LRPAP1: variants seen among roughly 807,000 people sequenced by gnomAD.
LRPAP1 encodes LDL receptor related protein associated protein 1.
A neutral mutation model predicts 39.9 loss-of-function variants in LRPAP1; 41 were observed. The ratio of observed to expected loss-of-function variants is 1.03; its 90% CI spans 0.80 to 1.33. The LOEUF is 1.33. Among genes scored for constraint, LRPAP1 ranks in the 40% most tolerant of loss-of-function variants. The pLI is 0.00. For synonymous variants in LRPAP1, 263 were observed against 212.7 expected (o/e 1.24, Z -2.06); for missense variants, 565 against 482.3 (o/e 1.17, Z -1.61).
At position 3,524,302 on chromosome 4, in the gene LRPAP1, C is replaced by T. The variant is rs570432023; in HGVS notation, c.349+605G>A. On this transcript the variant is annotated intron_variant, in intron 2 of 7. Transcript: ENST00000650182. ...TACCAAGCAGGCGACTGTCCTGCCT[C>T]TTCTTGAATACCCACAGGGACGAGG... Among the ~76,000 whole-genome samples, 12 of 152,344 alleles carry T rather than the reference C, an allele frequency of 7.9e-5. No homozygotes were observed. The South Asian group carries it at 2.3e-3, about 29-fold the overall frequency.
At chr4:3,528,596 T>C (rs1013772609) in intron 1 of LRPAP1, among the ~76,000 whole-genome samples, 3 of 152,214 alleles carry the variant, frequency 2.0e-5, no homozygotes, top group African/African-American at 7.2e-5. Flanking sequence ...TCAGAGGGCA[T>C]GTGCCATCCT....
At chr4:3,527,099 G>A (rs1306877509) in intron 1 of LRPAP1, among the ~76,000 whole-genome samples, 3 of 146,650 alleles carry the variant, frequency 2.0e-5, no homozygotes, top group Non-Finnish European at 4.6e-5. Flanking sequence ...GGGCCCTCCT[G>A]GTAGATGCTC....
chr4:3,504,643 G>A lies in LRPAP1; in HGVS notation c.*8331C>T, dbSNP rs1190080675. Among the ~76,000 whole-genome samples, 1 of 151,704 alleles carries A rather than the reference G, an allele frequency of 6.6e-6. No homozygotes were observed. Among genetic ancestry groups the A allele is most frequent in the Non-Finnish European group, 1.5e-5 (1 of 67,990 alleles). On this transcript the variant is annotated 3_prime_UTR_variant, in exon 8 of 8. Transcript: ENST00000650182. The stretch of plus-strand genomic sequence containing the variant: ...TAGGGGCCTGTAATCCCAGCTACTT[G>A]CGAGGCTGAGGCAGGAGAATTTCTT...
At chr4:3,522,413 C>T (rs988643709) in intron 2 of LRPAP1, among the ~76,000 whole-genome samples, 1 of 152,240 alleles carries the variant, frequency 6.6e-6, no homozygotes, top group African/African-American at 2.4e-5. Flanking sequence ...GGTTCTTCTG[C>T]ATGGAATGGA....
chr4:3,532,005 C>T, intron 1 of LRPAP1: 2 of 618,568 alleles, frequency 3.2e-6, no homozygotes, highest in South Asian at 2.1e-5. Context: ...GCGTCGTCGC[C>T]GGCACGGGTA....
chr4:3,512,966 CA>C lies in LRPAP1; in HGVS notation c.*7del. 1 of 1,608,580 alleles carries C rather than the reference CA, an allele frequency of 6.2e-7. No homozygotes were observed. Among genetic ancestry groups the C allele is most frequent in the Non-Finnish European group, 8.5e-7 (1 of 1,177,884 alleles). On this transcript the variant is annotated 3_prime_UTR_variant, in exon 8 of 8. Coordinates refer to ENST00000650182, the MANE Select transcript of LRPAP1 (RefSeq NM_002337.4). ...CTCTTCCCTGCCGGGCTGGGCTCCCCAATGCCTTCAGAGTTCGTTGTGCCGA... is the reference window on the plus strand; with the variant it reads ...CTCTTCCCTGCCGGGCTGGGCTCCCCATGCCTTCAGAGTTCGTTGTGCCGA...
chr4:3,517,508 A>G (rs556835109), intron 5 of LRPAP1, among the ~76,000 whole-genome samples: 1 of 152,206 alleles, frequency 6.6e-6, no homozygotes, highest in Non-Finnish European at 1.5e-5. Flanking sequence ...CACCCTGCAC[A>G]AGGCTCTGGC....
intron 2 of LRPAP1, among the ~76,000 whole-genome samples, chr4:3,524,665 G>A (rs895049875): frequency 6.6e-6 from 1 of 152,240 alleles, no homozygotes; most frequent in South Asian, 2.1e-4. Flanking sequence ...CCTCATGAGG[G>A]TTAGCCCCCC....
At chr4:3,519,434 C>T (rs1038275706) in intron 3 of LRPAP1, among the ~76,000 whole-genome samples, 4 of 152,344 alleles carry the variant, frequency 2.6e-5, no homozygotes, top group African/African-American at 9.6e-5. Flanking sequence ...CACACAGGGC[C>T]CTCTCTCCCT....
At chr4:3,520,927 C>A (rs1729890664) in intron 2 of LRPAP1, among the ~76,000 whole-genome samples, 1 of 152,242 alleles carries the variant, frequency 6.6e-6, no homozygotes, top group African/African-American at 2.4e-5. Flanking sequence ...ACGCTGCCAC[C>A]AACATGATAT....
At chr4:3,528,060 A>T (rs1425133475) in intron 1 of LRPAP1, among the ~76,000 whole-genome samples, 2 of 152,216 alleles carry the variant, frequency 1.3e-5, no homozygotes, top group Non-Finnish European at 2.9e-5. Flanking sequence ...GCCTGGCAGC[A>T]CCACCACAAA....
intron 1 of LRPAP1, among the ~76,000 whole-genome samples, chr4:3,530,835 C>T (rs1730228362): frequency 2.6e-5 from 4 of 152,182 alleles, no homozygotes; most frequent in Admixed American, 2.6e-4. Context: ...GGGCCAGCAC[C>T]CAAAAGGGAG....
At chr4:3,529,947 T>C (rs1268853256) in intron 1 of LRPAP1, among the ~76,000 whole-genome samples, 6 of 152,150 alleles carry the variant, frequency 3.9e-5, no homozygotes, top group Non-Finnish European at 7.3e-5. Context: ...CGCAGGAGGC[T>C]GAGAGCAGTG....
chr4:3,518,231 C>T (rs376330052), intron 4 of LRPAP1, 39 bp from the exon 5 acceptor site: 9 of 1,580,828 alleles, frequency 5.7e-6, no homozygotes, highest in Non-Finnish European at 6.9e-6. Flanking sequence ...GGCTGGGAGT[C>T]CTCGCACTGC....
chr4:3,519,695 G>A lies in LRPAP1; in HGVS notation c.471+377C>T, dbSNP rs1219853569. ...AGGGTGAAAGCCCAGCCCCACACAC[G>A]AGGGCACCTTTCTAATCACAGAGGC... On this transcript the variant is annotated intron_variant, in intron 3 of 7. Coordinates refer to ENST00000650182, the MANE Select transcript of LRPAP1 (RefSeq NM_002337.4). 2.6e-5 allele frequency among the ~76,000 whole-genome samples: 4 copies of A among 152,146 alleles called. No individual in the cohort carries two copies. In the East Asian group the frequency reaches 5.8e-4, roughly 22 times the overall value.
At chr4:3,526,633 G>A (rs377291314) in intron 1 of LRPAP1, among the ~76,000 whole-genome samples, 8 of 152,190 alleles carry the variant, frequency 5.3e-5, no homozygotes, top group Non-Finnish European at 1.2e-4. Context: ...GGTCCGCGCC[G>A]CGCAGGGGCA....
intron 2 of LRPAP1, 85 bp from the exon 3 acceptor site, chr4:3,520,278 G>A (rs1488682190): frequency 6.8e-7 from 1 of 1,464,342 alleles, no homozygotes; most frequent in Non-Finnish European, 9.4e-7. Flanking sequence ...CACGGTGGGT[G>A]AGACAGGTTT....
chr4:3,513,930 C>T (rs990995595), intron 7 of LRPAP1, among the ~76,000 whole-genome samples: 1 of 152,278 alleles, frequency 6.6e-6, no homozygotes, highest in African/African-American at 2.4e-5. Context: ...GACCTCTGCC[C>T]CAACGGTGCG....
At chr4:3,518,296 A>C in intron 4 of LRPAP1, 104 bp from the exon 5 acceptor site, 3 of 1,252,840 alleles carry the variant, frequency 2.4e-6, no homozygotes, top group Non-Finnish European at 3.3e-6. Context: ...ACTCGCTCTC[A>C]TTTCTGGGCT....
Sources: gnomAD v4.1 joint callset for allele counts (sites outside exome capture counted in the v4.1 genomes callset) on GRCh38, gnomAD v4.1.1 for gene constraint, MANE v1.5 for transcripts, NCBI Gene and HGNC (gene_info 2026-07-23, HGNC 2026-07-21) for gene names.